GPHN: variants seen among roughly 807,000 people sequenced by gnomAD.
GPHN encodes gephyrin.
In GPHN, 17 loss-of-function variants were observed where a neutral mutation model predicts 95.5. The observed-to-expected ratio is 0.18, with a 90% CI of 0.12 to 0.27. The LOEUF (loss-of-function observed/expected upper bound fraction) is 0.27, where lower values mean the gene tolerates loss of function less well. Ranked by LOEUF, GPHN falls within the 10% of genes least tolerant of loss-of-function variation. The pLI is 1.00. For missense variants in GPHN, 660 were observed against 978.1 expected, an observed-to-expected ratio of 0.67 and a Z score of 4.34; for synonymous variants, 320 against 322.5, an observed-to-expected ratio of 0.99 and a Z score of 0.08.
the GPHN span, among the ~76,000 whole-genome samples, chr14:67,344,912 A>C: frequency 6.6e-6 from 1 of 150,874 alleles, no homozygotes; most frequent in African/African-American, 2.4e-5. Context: ...AACAAAAAAA[A>C]CAAGAGTGTA....
the GPHN span, among the ~76,000 whole-genome samples, chr14:67,667,422 AG>A: frequency 4.6e-5 from 7 of 152,230 alleles, no homozygotes; most frequent in African/African-American, 7.2e-5. Context: ...AAGAGTTAAA[AG>A]CAACAGAGAT....
At chr14:66,982,945 C>A (rs1256373142) in intron 9 of GPHN, among the ~76,000 whole-genome samples, 2 of 152,170 alleles carry the variant, frequency 1.3e-5, no homozygotes, top group South Asian at 2.1e-4. Flanking sequence ...AAATTCTTAT[C>A]TAAAATGTAA....
At chr14:67,059,617 A>C (rs2075744486) in intron 11 of GPHN, among the ~76,000 whole-genome samples, 1 of 152,212 alleles carries the variant, frequency 6.6e-6, no homozygotes, top group Admixed American at 6.5e-5. Flanking sequence ...GAATAGCAGA[A>C]AATGAATAGG....
intron 1 of GPHN, among the ~76,000 whole-genome samples, chr14:66,603,638 T>A (rs2062368588): frequency 6.6e-6 from 1 of 152,010 alleles, no homozygotes; most frequent in African/African-American, 2.4e-5. Context: ...TTTTAATTCT[T>A]ATATTGAATG....
chr14:66,840,212 G>A (rs2062019827), intron 4 of GPHN, among the ~76,000 whole-genome samples: 1 of 152,156 alleles, frequency 6.6e-6, no homozygotes, highest in South Asian at 2.1e-4. Flanking sequence ...CCAGTAGGTG[G>A]AGGTTGCAAT....
chr14:67,388,157 G>A, the GPHN span: 114 of 966,342 alleles, frequency 1.2e-4, no homozygotes, highest in African/African-American at 1.2e-3. Context: ...TTCATTAGTG[G>A]GACATTACTG....
chr14:67,717,141 T>G, the GPHN span, among the ~76,000 whole-genome samples: 1 of 152,216 alleles, frequency 6.6e-6, no homozygotes, highest in South Asian at 2.1e-4. Context: ...TATTTAGTTT[T>G]TTTTCCTTTG....
intron 1 of GPHN, among the ~76,000 whole-genome samples, chr14:66,571,331 C>G (rs2060682216): frequency 6.6e-6 from 1 of 152,098 alleles, no homozygotes; most frequent in Non-Finnish European, 1.5e-5. Context: ...CTATCAGATC[C>G]CTCCATTGAC....
At chr14:66,839,146 A>G (rs1017467337) in intron 4 of GPHN, among the ~76,000 whole-genome samples, 1 of 152,248 alleles carries the variant, frequency 6.6e-6, no homozygotes, top group East Asian at 1.9e-4. Flanking sequence ...CCTTCAAAAG[A>G]TGCTGAGAAG....
At chr14:67,508,690 G>A in the GPHN span, among the ~76,000 whole-genome samples, 2 of 141,134 alleles carry the variant, frequency 1.4e-5, no homozygotes, top group Non-Finnish European at 3.0e-5. Flanking sequence ...AGGGATAGAG[G>A]CTTCATTGAG....
At chr14:67,571,650 T>G in the GPHN span, 1 of 1,177,688 alleles carries the variant, frequency 8.5e-7, no homozygotes, top group Non-Finnish European at 1.3e-6. Context: ...CGGCTGGGGG[T>G]TGGCCACACC....
At chr14:67,656,699 T>A in the GPHN span, 1 of 1,225,514 alleles carries the variant, frequency 8.2e-7, no homozygotes. Flanking sequence ...AGCAATAATT[T>A]TCATTCCTTT....
chr14:66,621,004 G>A (rs113927627), intron 1 of GPHN, among the ~76,000 whole-genome samples: 4,703 of 152,060 alleles, frequency 0.031, 257 homozygotes, highest in African/African-American at 0.11. Context: ...TAACTCTGTC[G>A]CCCAGGCTGG....
intron 1 of GPHN, among the ~76,000 whole-genome samples, chr14:66,566,399 A>C (rs2060464476): frequency 6.6e-6 from 1 of 152,104 alleles, no homozygotes; most frequent in Non-Finnish European, 1.5e-5. Flanking sequence ...TTAATTTTGC[A>C]GCTGACATGA....
At chr14:67,394,979 G>A in the GPHN span, among the ~76,000 whole-genome samples, 1 of 152,142 alleles carries the variant, frequency 6.6e-6, no homozygotes, top group African/African-American at 2.4e-5. Context: ...ACCAGATGCA[G>A]CCCCTCAACC....
At chr14:66,749,817 G>A (rs183236798) in intron 2 of GPHN, among the ~76,000 whole-genome samples, 70 of 151,134 alleles carry the variant, frequency 4.6e-4, no homozygotes, top group Non-Finnish European at 8.9e-5. Context: ...CCTTCACAGT[G>A]CCTTTTACAA....
At chr14:67,305,035 A>G in the GPHN span, among the ~76,000 whole-genome samples, 1 of 152,148 alleles carries the variant, frequency 6.6e-6, no homozygotes, top group African/African-American at 2.4e-5. Flanking sequence ...TTATGTTTAC[A>G]GTTTTTTTGC....
chr14:67,185,362 G>A (rs8009652), downstream of GPHN, among the ~76,000 whole-genome samples: 2 of 152,186 alleles, frequency 1.3e-5, no homozygotes, highest in Non-Finnish European at 2.9e-5. Flanking sequence ...TTAGAAAAGG[G>A]AGAAGATGTG....
the GPHN span, chr14:67,581,718 CA>C: frequency 4.7e-6 from 1 of 213,248 alleles, no homozygotes; most frequent in Non-Finnish European, 9.5e-6. Flanking sequence ...CCCATCCCTC[CA>C]TCTCAGTATG....
Sources: allele counts gnomAD v4.1 joint callset (sites outside exome capture counted in the v4.1 genomes callset), GRCh38; gene constraint gnomAD v4.1.1; transcripts MANE v1.5; gene names NCBI Gene and HGNC (gene_info 2026-07-23, HGNC 2026-07-21).